The following TSBP1 variants were observed in gnomAD, a reference collection of about 807,000 sequenced individuals.
The protein encoded by TSBP1 is testis expressed basic protein 1.
TSBP1 carries 56 observed loss-of-function variants against 68.8 expected under a neutral mutation model. The observed-to-expected ratio is 0.81, with a 90% CI of 0.66 to 1.02. TSBP1 has a LOEUF of 1.02. Among genes scored for constraint, TSBP1 ranks in the 50% least tolerant of loss-of-function variants. TSBP1 has a pLI of 0.00. For synonymous variants in TSBP1, 171 were observed against 208.7 expected (o/e 0.82, Z 1.56); for missense variants, 502 against 641.2 (o/e 0.78, Z 2.34).
At chr6:32,317,270 G>A (rs1295371497) in intron 18 of TSBP1, among the ~76,000 whole-genome samples, 1 of 152,098 alleles carries the variant, frequency 6.6e-6, no homozygotes, top group Non-Finnish European at 1.5e-5. Flanking sequence ...GAAGATTGAA[G>A]CTGGACTCCT....
At chr6:32,327,967 T>TTA (rs1562115306) in intron 16 of TSBP1, among the ~76,000 whole-genome samples, 1 of 145,780 alleles carries the variant, frequency 6.9e-6, no homozygotes, top group African/African-American at 2.5e-5. Flanking sequence ...TATTATTATT[T>TTA]TTTTTTTTTT....
chr6:32,306,139 G>A lies in TSBP1; in HGVS notation c.581-3510C>T, dbSNP rs1275071225. ...TTCACCCATTCCTGCATGTAAGTTAGGACAATTTTAGAACACTAAGATAAA... is the reference window on the plus strand; with the variant it reads ...TTCACCCATTCCTGCATGTAAGTTAAGACAATTTTAGAACACTAAGATAAA... On this transcript the variant is annotated intron_variant, in intron 19 of 22. Transcript: ENST00000612031. The surrounding 1 kb of genome is among the most constrained non-coding windows in gnomAD (Gnocchi z 5.1). 6.6e-6 allele frequency among the ~76,000 whole-genome samples: 1 copy of A among 152,074 alleles called. No individual in the cohort carries two copies. The highest frequency in any genetic ancestry group is 2.4e-5 in the African/African-American group (1 of 41,402).
At chr6:32,327,964 AT>A (rs771332320) in intron 16 of TSBP1, among the ~76,000 whole-genome samples, 222 of 136,112 alleles carry the variant, frequency 1.6e-3, no homozygotes, top group Admixed American at 3.4e-3. Flanking sequence ...ACTTATTATT[AT>A]TTTTTTTTTT....
intron 7 of TSBP1, 74 bp from the exon 8 acceptor site, chr6:32,355,218 G>A (rs1772161552): frequency 6.9e-7 from 1 of 1,459,404 alleles, no homozygotes; most frequent in South Asian, 1.1e-5. Context: ...ATCAGCTTCA[G>A]TTGCTGTCAC....
At chr6:32,367,453 A>C (rs1325275648) in intron 4 of TSBP1, among the ~76,000 whole-genome samples, 4 of 152,150 alleles carry the variant, frequency 2.6e-5, no homozygotes, top group African/African-American at 9.7e-5. Context: ...CACGTTTCAA[A>C]ACCTGAATTT....
chr6:32,295,396 T>C (rs1022230764), intron 22 of TSBP1, among the ~76,000 whole-genome samples: 2 of 149,626 alleles, frequency 1.3e-5, no homozygotes, highest in African/African-American at 4.9e-5. Context: ...TTATTCCTGC[T>C]AGCTGGGTTT....
chr6:32,357,581 C>T lies in TSBP1; in HGVS notation c.218-1912G>A, dbSNP rs6907757. Among the ~76,000 whole-genome samples the T allele has an allele frequency of 0.15, 23,336 of 151,890 alleles. 2,187 individuals carry two copies. Among genetic ancestry groups the T allele is most frequent in the East Asian group, 0.29 (1,493 of 5,168 alleles). On this transcript the variant is annotated intron_variant, in intron 6 of 22. Coordinates refer to ENST00000612031, the Ensembl canonical transcript of TSBP1. The surrounding 1 kb of genome is among the most constrained non-coding windows in gnomAD (Gnocchi z 4.7). The stretch of plus-strand genomic sequence containing the variant: ...GTGAGGTGAATAGACTATAAGAAGG[C>T]AAGAGGAGTATCAAGGAAACAAGGT...
chr6:32,299,771 C>T (rs746228591), intron 22 of TSBP1, 151 bp downstream of exon 25: 53 of 658,914 alleles, frequency 8.0e-5, no homozygotes, highest in African/African-American at 4.9e-4. Context: ...AAGTGGAGGG[C>T]GGGGGGGAAC....
intron 14 of TSBP1, among the ~76,000 whole-genome samples, chr6:32,334,759 C>T (rs1405216006): frequency 6.6e-6 from 1 of 152,284 alleles, no homozygotes; most frequent in Non-Finnish European, 1.5e-5. Flanking sequence ...GAAGGCCAGG[C>T]GCAGTGGCTC....
intron 9 of TSBP1, among the ~76,000 whole-genome samples, chr6:32,341,641 C>G (rs1770366523): frequency 6.6e-6 from 1 of 152,124 alleles, no homozygotes; most frequent in African/African-American, 2.4e-5. Flanking sequence ...ACTTTGAAAT[C>G]AGTATCATAT....
chr6:32,341,815 T>A (rs1770391814), intron 9 of TSBP1, among the ~76,000 whole-genome samples: 1 of 152,150 alleles, frequency 6.6e-6, no homozygotes, highest in Non-Finnish European at 1.5e-5. Context: ...AATAATGAAA[T>A]ATGATATATT....
chr6:32,299,164 A>G (rs976815000), intron 22 of TSBP1, among the ~76,000 whole-genome samples: 4 of 152,182 alleles, frequency 2.6e-5, no homozygotes, highest in African/African-American at 4.8e-5. Context: ...TCCTGACACC[A>G]ATGTTTACCA....
intron 3 of TSBP1, 98 bp from the exon 4 acceptor site, chr6:32,368,055 G>A (rs537432006): frequency 1.1e-6 from 1 of 933,530 alleles, no homozygotes; most frequent in South Asian, 1.4e-5. Flanking sequence ...ACTCCTAATG[G>A]TGAATAATGA....
rs1765605806 is a variant in TSBP1, at chr6:32,304,635, T to C, written c.581-2006A>G. 1.3e-5 allele frequency among the ~76,000 whole-genome samples: 2 copies of C among 152,212 alleles called. No individual in the cohort carries two copies. Among genetic ancestry groups the C allele is most frequent in the African/African-American group, 2.4e-5 (1 of 41,464 alleles). ...CACATTCTTTCAGGAGACTGGCTAA[T>C]AGTTAAAGGTTACTAATTTATGTTC... On this transcript the variant is annotated intron_variant, in intron 19 of 22. Transcript: ENST00000612031. The surrounding 1 kb of genome is among the most constrained non-coding windows in gnomAD (Gnocchi z 4.8).
At chr6:32,301,552 C>CAAA (rs9281725) in intron 20 of TSBP1, among the ~76,000 whole-genome samples, 3 of 141,086 alleles carry the variant, frequency 2.1e-5, no homozygotes, top group African/African-American at 5.2e-5. Context: ...CCCATCTCTG[C>CAAA]AAAAAAAAAA....
intron 4 of TSBP1, among the ~76,000 whole-genome samples, chr6:32,366,921 T>C (rs1773810111): frequency 6.6e-6 from 1 of 152,148 alleles, no homozygotes; most frequent in Non-Finnish European, 1.5e-5. Flanking sequence ...TTGTTCATGA[T>C]AGATGAATCA....
intron 22 of TSBP1, among the ~76,000 whole-genome samples, chr6:32,294,878 GT>G (rs200073981): frequency 6.6e-6 from 1 of 151,436 alleles, no homozygotes; most frequent in East Asian, 1.9e-4. Flanking sequence ...ATTTGCTTTT[GT>G]TTTTTTTAAG....
At chr6:32,312,773 G>A (rs1766534748) in intron 19 of TSBP1, among the ~76,000 whole-genome samples, 1 of 151,908 alleles carries the variant, frequency 6.6e-6, no homozygotes, top group Admixed American at 6.6e-5. Context: ...AGCAGGCCCT[G>A]TTGGCTTTGC....
rs1321724050 is a variant in TSBP1, at chr6:32,302,281, A to G, written c.601+328T>C. On this transcript the variant is annotated intron_variant, in intron 20 of 22. Coordinates refer to ENST00000612031, the Ensembl canonical transcript of TSBP1. The surrounding 1 kb of genome is among the most constrained non-coding windows in gnomAD (Gnocchi z 5.1). ...CAGCCTAGGCAACATAGCAAGACTCAGTTTCTACAAAAAATAAAAAAAAGT... is the reference window on the plus strand; with the variant it reads ...CAGCCTAGGCAACATAGCAAGACTCGGTTTCTACAAAAAATAAAAAAAAGT... 6.6e-6 allele frequency among the ~76,000 whole-genome samples: 1 copy of G among 151,968 alleles called. No individual in the cohort carries two copies. The highest frequency in any genetic ancestry group is 1.5e-5 in the Non-Finnish European group (1 of 67,978).
Sources: gnomAD v4.1 joint callset for allele counts (sites outside exome capture counted in the v4.1 genomes callset) on GRCh38, gnomAD v4.1.1 for gene constraint, Gnocchi (gnomAD v3.1) non-coding constraint, MANE v1.5 for transcripts, NCBI Gene and HGNC (gene_info 2026-07-23, HGNC 2026-07-21) for gene names.